Variants in CCDC7 observed in about 807,000 individuals in gnomAD.
The protein encoded by CCDC7 is coiled-coil domain containing 7, also known as coiled-coil domain-containing protein 7.
In CCDC7, 183 loss-of-function variants were observed where a neutral mutation model predicts 196.9. The ratio of observed to expected loss-of-function variants is 0.93; its 90% CI spans 0.82 to 1.05. The LOEUF is 1.05. Ranked by LOEUF, CCDC7 falls within the 50% of genes least tolerant of loss-of-function variation. The pLI is 0.00. For synonymous variants in CCDC7, 525 were observed against 484.6 expected, an observed-to-expected ratio of 1.08 and a Z score of -1.10; for missense variants, 1,540 against 1,482.2, an observed-to-expected ratio of 1.04 and a Z score of -0.64.
At chr10:32,611,061 T>C (rs1297150564) in intron 18 of CCDC7, among the ~76,000 whole-genome samples, 4 of 152,226 alleles carry the variant, frequency 2.6e-5, no homozygotes, top group Non-Finnish European at 1.5e-5. Flanking sequence ...CCTTCCTGTT[T>C]ATCTACATCC....
chr10:32,711,659 A>G, exon 25 of CCDC7: 4 of 1,596,420 alleles, frequency 2.5e-6, no homozygotes, highest in East Asian at 2.3e-5. Context: ...ATGCTTAAAC[A>G]TCAAGATTCA....
chr10:32,784,155 TACC>T (rs2081451588), intron 29 of CCDC7, among the ~76,000 whole-genome samples: 1 of 152,218 alleles, frequency 6.6e-6, no homozygotes, highest in South Asian at 2.1e-4. Context: ...TATGTATATT[TACC>T]ACAATAAAAA....
chr10:32,730,088 A>G (rs1453390168), intron 28 of CCDC7, among the ~76,000 whole-genome samples: 1 of 152,060 alleles, frequency 6.6e-6, no homozygotes, highest in Non-Finnish European at 1.5e-5. Flanking sequence ...GCACAGATCA[A>G]CCCATCATCC....
intron 3 of CCDC7, among the ~76,000 whole-genome samples, chr10:32,458,797 T>A (rs960153194): frequency 6.6e-6 from 1 of 152,134 alleles, no homozygotes; most frequent in Non-Finnish European, 1.5e-5. Flanking sequence ...TGTCATGGTA[T>A]TAATAATTAA....
At chr10:32,698,926 A>C (rs1027208074) in intron 24 of CCDC7, among the ~76,000 whole-genome samples, 4 of 152,232 alleles carry the variant, frequency 2.6e-5, no homozygotes, top group Admixed American at 1.3e-4. Context: ...GTTGAAATGA[A>C]GGGAAAAATG....
chr10:32,652,671 G>C (rs77903980), intron 20 of CCDC7, among the ~76,000 whole-genome samples: 8,944 of 152,060 alleles, frequency 0.059, 865 homozygotes, highest in African/African-American at 0.2. Context: ...ACAAAGAAAA[G>C]AGAAACAAAA....
At position 32,764,040 on chromosome 10, in the gene CCDC7, T is replaced by C. The variant is rs575847590; in HGVS notation, c.2906-14937T>C. On this transcript the variant is annotated intron_variant, in intron 28 of 41. Coordinates refer to ENST00000639629, the Ensembl canonical transcript of CCDC7. ...ATTTAATCATTCTGCAATGTATACA[T>C]ATATCAAAACACCACTCATACCCCA... Among the ~76,000 whole-genome samples the C allele has an allele frequency of 9.9e-4, 150 of 152,046 alleles. 1 individual carries two copies. Among genetic ancestry groups the C allele is most frequent in the Non-Finnish European group, 1.4e-3 (94 of 67,910 alleles).
At chr10:32,456,426 T>A (rs2034369046) in intron 3 of CCDC7, 92 bp downstream of exon 4, 1 of 1,024,476 alleles carries the variant, frequency 9.8e-7, no homozygotes. Flanking sequence ...CCAACATTAA[T>A]CTAGATTCAG....
intron 11 of CCDC7, among the ~76,000 whole-genome samples, chr10:32,523,617 T>G (rs2048212948): frequency 2.6e-5 from 4 of 152,154 alleles, no homozygotes; most frequent in Admixed American, 2.6e-4. Flanking sequence ...ATCTTTCTCT[T>G]TAGCTCTAAT....
chr10:32,575,401 G>T (rs1590078890), intron 16 of CCDC7, among the ~76,000 whole-genome samples: 1 of 152,264 alleles, frequency 6.6e-6, no homozygotes, highest in East Asian at 1.9e-4. Context: ...AGGAAACCTT[G>T]CAATCCAGGA....
At chr10:32,705,645 CA>C (rs1299292793) in intron 24 of CCDC7, among the ~76,000 whole-genome samples, 1 of 151,656 alleles carries the variant, frequency 6.6e-6, no homozygotes, top group African/African-American at 2.4e-5. Flanking sequence ...AAATGGAAAA[CA>C]AAAAAAGGCA....
chr10:32,847,730 A>T (rs1593406572), intron 37 of CCDC7, 103 bp from the exon 39 acceptor site: 1 of 735,142 alleles, frequency 1.4e-6, no homozygotes, highest in East Asian at 2.8e-5. Context: ...AAAAAAAGGA[A>T]AAGAAAAGAA....
At chr10:32,742,310 T>C (rs2504336) in intron 28 of CCDC7, among the ~76,000 whole-genome samples, 73,946 of 151,960 alleles carry the variant, frequency 0.49, 19,005 homozygotes, top group Non-Finnish European at 0.59. Context: ...AGTAAAACAT[T>C]TGTTATAACC....
intron 8 of CCDC7, among the ~76,000 whole-genome samples, chr10:32,490,909 C>T (rs1414503137): frequency 6.6e-6 from 1 of 152,154 alleles, no homozygotes; most frequent in African/African-American, 2.4e-5. Context: ...TCTTACGAAG[C>T]TGGCTTCTCC....
At chr10:32,830,133 T>C (rs185633295) in intron 32 of CCDC7, among the ~76,000 whole-genome samples, 21 of 87,232 alleles carry the variant, frequency 2.4e-4, no homozygotes, top group East Asian at 1.3e-3. Context: ...TATATATATA[T>C]ATATATATCC....
At chr10:32,488,073 G>T (rs922300171) in intron 8 of CCDC7, among the ~76,000 whole-genome samples, 1 of 152,238 alleles carries the variant, frequency 6.6e-6, no homozygotes, top group African/African-American at 2.4e-5. Context: ...GCAATGGCCT[G>T]CCCTCAGAGG....
At chr10:32,644,857 C>G (rs182059980) in intron 20 of CCDC7, among the ~76,000 whole-genome samples, 1 of 152,114 alleles carries the variant, frequency 6.6e-6, no homozygotes, top group Admixed American at 6.5e-5. Context: ...TGTAAATTGC[C>G]CAGTTACAGA....
intron 33 of CCDC7, among the ~76,000 whole-genome samples, chr10:32,837,709 AT>A (rs1249610803): frequency 1.1e-3 from 172 of 152,244 alleles, no homozygotes; most frequent in African/African-American, 4.0e-3. Flanking sequence ...GATTAAGAAA[AT>A]GTGGCACATA....
Position 32,543,290 on chromosome 10 carries a change from A to T in CCDC7, c.994-10A>T. On this transcript the variant is annotated splice_polypyrimidine_tract_variant and intron_variant, in intron 11 of 41. Transcript: ENST00000639629. ...AACCCTTTATTTCTGGCTTATGTAAAATTATACAGAAAACTAAGCCTACAA... is the reference window on the plus strand; with the variant it reads ...AACCCTTTATTTCTGGCTTATGTAATATTATACAGAAAACTAAGCCTACAA... 1 of 1,405,250 alleles carries T rather than the reference A, an allele frequency of 7.1e-7. No individual in the cohort carries two copies. Among genetic ancestry groups the T allele is most frequent in the Non-Finnish European group, 9.4e-7 (1 of 1,061,252 alleles). The allele number at this position is 1,405,250 out of a possible 1,614,324, so 87.0% of individuals were successfully genotyped here.
Sources: gnomAD v4.1 joint callset for allele counts (sites outside exome capture counted in the v4.1 genomes callset) on GRCh38, gnomAD v4.1.1 for gene constraint, MANE v1.5 for transcripts, NCBI Gene and HGNC (gene_info 2026-07-23, HGNC 2026-07-21) for gene names.